The following C12orf42 variants were observed in gnomAD, a reference collection of about 807,000 sequenced individuals.
C12orf42 encodes the protein chromosome 12 open reading frame 42, also known as uncharacterized protein C12orf42.
C12orf42 carries 25 observed loss-of-function variants against 21.6 expected under a neutral mutation model. The ratio of observed to expected loss-of-function variants is 1.16; its 90% CI spans 0.84 to 1.62. The LOEUF (loss-of-function observed/expected upper bound fraction) is 1.62, where lower values mean the gene tolerates loss of function less well. Among genes scored for constraint, C12orf42 ranks in the 40% most tolerant of loss-of-function variants. The pLI, the probability that C12orf42 is intolerant of heterozygous loss-of-function variation, is 0.00. For synonymous variants in C12orf42, 174 were observed against 175.0 expected (o/e 0.99, Z 0.05); for missense variants, 483 against 459.3 (o/e 1.05, Z -0.47).
the C12orf42 span, chr12:103,548,827 C>A: frequency 6.6e-6 from 1 of 152,144 alleles, no homozygotes. Context: ...TCGTGGTGGG[C>A]ATTCTGTGAA....
intron 4 of C12orf42, among the ~76,000 whole-genome samples, chr12:103,283,037 G>A (rs2036231135): frequency 1.3e-5 from 2 of 152,150 alleles, no homozygotes; most frequent in African/African-American, 4.8e-5. Flanking sequence ...ACAGATCCTG[G>A]CCCAAACAGA....
chr12:103,144,463 A>G, the C12orf42 span, among the ~76,000 whole-genome samples: 1 of 152,186 alleles, frequency 6.6e-6, no homozygotes, highest in African/African-American at 2.4e-5. Context: ...GAAATGCATG[A>G]GGTAAGTCCC....
chr12:103,138,372 G>C, the C12orf42 span, among the ~76,000 whole-genome samples: 2 of 152,096 alleles, frequency 1.3e-5, no homozygotes, highest in Non-Finnish European at 2.9e-5. Context: ...CACAAGATCT[G>C]GTTGCTTGAA....
chr12:103,327,157 T>C (rs2040787878), intron 4 of C12orf42, among the ~76,000 whole-genome samples: 3 of 152,110 alleles, frequency 2.0e-5, no homozygotes, highest in Admixed American at 2.0e-4. Flanking sequence ...GCTGGGACCT[T>C]CCGGTTTCTC....
the C12orf42 span, among the ~76,000 whole-genome samples, chr12:103,078,105 G>C: frequency 1.3e-5 from 2 of 152,146 alleles, no homozygotes; most frequent in African/African-American, 4.8e-5. Flanking sequence ...ACATTATATG[G>C]ATCTTCATTT....
chr12:103,550,202 T>C, the C12orf42 span, among the ~76,000 whole-genome samples: 1 of 152,180 alleles, frequency 6.6e-6, no homozygotes, highest in Admixed American at 6.5e-5. Context: ...TTTCTTTCAG[T>C]TGTGCCTACA....
At chr12:103,423,419 C>T (rs1424191079) in intron 2 of C12orf42, among the ~76,000 whole-genome samples, 1 of 152,170 alleles carries the variant, frequency 6.6e-6, no homozygotes, top group Non-Finnish European at 1.5e-5. Context: ...ATCTAGGGCC[C>T]AGCACTATGG....
rs915944004 is a variant in C12orf42 at position 103,331,550 on chromosome 12, T to C, written c.260-25205A>G. On this transcript the variant is annotated intron_variant, in intron 4 of 5. Transcript: ENST00000548883. ...AAAGGACATTAATTCCCACACACTG[T>C]CAAGAAGTAAAGGTAAGGCAAGTCC... Among the ~76,000 whole-genome samples the C allele has an allele frequency of 4.1e-4, 63 of 152,094 alleles. 1 individual carries two copies. The highest frequency in any genetic ancestry group is 4.1e-3 in the Admixed American group (62 of 15,256).
chr12:103,544,059 A>G, the C12orf42 span, among the ~76,000 whole-genome samples: 2 of 151,784 alleles, frequency 1.3e-5, no homozygotes, highest in Non-Finnish European at 2.9e-5. Flanking sequence ...ACGCCCAGCT[A>G]ATTTTGTTTT....
chr12:103,368,317 TCACACACA>T (rs3065785), intron 4 of C12orf42, among the ~76,000 whole-genome samples: 1 of 146,520 alleles, frequency 6.8e-6, no homozygotes, highest in Non-Finnish European at 1.5e-5. Context: ...TCTCTCTCTC[TCACACACA>T]CACACACACA....
chr12:103,271,680 C>T (rs1213406599), intron 5 of C12orf42, among the ~76,000 whole-genome samples: 1 of 152,098 alleles, frequency 6.6e-6, no homozygotes, highest in African/African-American at 2.4e-5. Context: ...TGACAGCAAG[C>T]TATGACCATG....
intron 4 of C12orf42, among the ~76,000 whole-genome samples, chr12:103,350,778 T>C (rs2043040334): frequency 6.6e-6 from 1 of 152,178 alleles, no homozygotes; most frequent in Non-Finnish European, 1.5e-5. Context: ...TGTTCTTTTC[T>C]CTCAGTCCAT....
chr12:103,262,547 TATTA>T (rs1406932260), intron 10 of C12orf42: 1 of 152,238 alleles, frequency 6.6e-6, no homozygotes, highest in East Asian at 1.9e-4. Context: ...TTCTTCTTTT[TATTA>T]ATTTTTTGTA....
chr12:103,048,898 T>A, the C12orf42 span, among the ~76,000 whole-genome samples: 1 of 152,162 alleles, frequency 6.6e-6, no homozygotes, highest in African/African-American at 2.4e-5. Flanking sequence ...TTCATATGGC[T>A]CTGCACATAT....
the C12orf42 span, among the ~76,000 whole-genome samples, chr12:103,512,229 C>T: frequency 6.6e-6 from 1 of 152,060 alleles, no homozygotes; most frequent in Non-Finnish European, 1.5e-5. Flanking sequence ...CATGTTCTCA[C>T]TCATATGTGG....
At chr12:103,321,747 C>T (rs2040150002) in intron 4 of C12orf42, among the ~76,000 whole-genome samples, 3 of 148,740 alleles carry the variant, frequency 2.0e-5, no homozygotes, top group South Asian at 2.2e-4. Flanking sequence ...TCATCATTCT[C>T]AGTAAACTAT....
At chr12:103,279,683 T>C (rs1213679206) in intron 4 of C12orf42, among the ~76,000 whole-genome samples, 1 of 151,994 alleles carries the variant, frequency 6.6e-6, no homozygotes, top group Non-Finnish European at 1.5e-5. Flanking sequence ...AATGACTAGG[T>C]GTGTGGTTGA....
At chr12:103,452,724 C>T (rs984184292) in intron 2 of C12orf42, among the ~76,000 whole-genome samples, 1 of 152,008 alleles carries the variant, frequency 6.6e-6, no homozygotes, top group Non-Finnish European at 1.5e-5. Flanking sequence ...ATGTCCTTTG[C>T]AGGGACATGG....
At chr12:103,250,898 G>T (rs2034267949) in intron 10 of C12orf42, among the ~76,000 whole-genome samples, 1 of 151,814 alleles carries the variant, frequency 6.6e-6, no homozygotes, top group African/African-American at 2.4e-5. Flanking sequence ...GTGTGTGCAT[G>T]TGTGTGTGTG....
Sources: allele counts gnomAD v4.1 joint callset (sites outside exome capture counted in the v4.1 genomes callset), GRCh38; gene constraint gnomAD v4.1.1; transcripts MANE v1.5; gene names NCBI Gene and HGNC (gene_info 2026-07-23, HGNC 2026-07-21).